The following INPP5D variants were observed in gnomAD, a reference collection of about 807,000 sequenced individuals.
INPP5D encodes the protein phosphatidylinositol 3,4,5-trisphosphate 5-phosphatase 1.
INPP5D carries 33 observed loss-of-function variants against 122.9 expected under a neutral mutation model. The ratio of observed to expected loss-of-function variants is 0.27; its 90% CI spans 0.20 to 0.36. The LOEUF is 0.36. Among genes scored for constraint, INPP5D ranks in the 10% least tolerant of loss-of-function variants. The pLI is 1.00. For synonymous variants in INPP5D, 584 were observed against 576.2 expected, an observed-to-expected ratio of 1.01 and a Z score of -0.19; for missense variants, 1,053 against 1,412.7, an observed-to-expected ratio of 0.75 and a Z score of 4.08.
chr2:233,192,627 C>T (rs1695083562), intron 22 of INPP5D, among the ~76,000 whole-genome samples: 1 of 152,096 alleles, frequency 6.6e-6, no homozygotes, highest in Admixed American at 6.5e-5. Context: ...AAAAGTATTC[C>T]TCACTTTAAA....
At chr2:233,125,651 G>T (rs1265130908) in intron 3 of INPP5D, 94 bp from the exon 4 acceptor site, 3 of 1,083,448 alleles carry the variant, frequency 2.8e-6, no homozygotes, top group Non-Finnish European at 2.7e-6. Flanking sequence ...GATCAATAAC[G>T]TGGGTGTCGT....
At chr2:233,122,522 G>C (rs1039995813) in intron 3 of INPP5D, among the ~76,000 whole-genome samples, 1 of 152,214 alleles carries the variant, frequency 6.6e-6, no homozygotes, top group Non-Finnish European at 1.5e-5. Flanking sequence ...GTAAAATAAG[G>C]CTGGGCTTGC....
chr2:233,195,511 G>C lies in INPP5D; in HGVS notation c.2693+16G>C, dbSNP rs1054797759. 1 of 1,613,068 alleles carries C rather than the reference G, an allele frequency of 6.2e-7. No individual in the cohort carries two copies. Among genetic ancestry groups the C allele is most frequent in the Non-Finnish European group, 8.5e-7 (1 of 1,179,706 alleles). Reference sequence around the variant, plus strand: ...TCACTAGCAGGTAAAGTGGGCGTGGGGTGGGTGTTGGGGGGGGTGGATATC... The same window carrying C: ...TCACTAGCAGGTAAAGTGGGCGTGGCGTGGGTGTTGGGGGGGGTGGATATC... On this transcript the variant is annotated intron_variant, in intron 24 of 26. Transcript: ENST00000445964.
chr2:233,098,888 A>G (rs1692223746), intron 2 of INPP5D, among the ~76,000 whole-genome samples: 1 of 152,160 alleles, frequency 6.6e-6, no homozygotes, highest in Non-Finnish European at 1.5e-5. Context: ...CTAAAATGCC[A>G]TCGTCTTTTT....
chr2:233,198,133 T>G lies in INPP5D; in HGVS notation c.2732T>G (p.Ile911Ser), dbSNP rs368498176. Reference protein sequence around the residue: ...PCSGSSITEIINPNYMGVGPF... With the variant: ...PCSGSSITEISNPNYMGVGPF... Reference sequence around the variant, plus strand: ...AGTGGCTCCAGCATCACTGAAATCATCAACCCCAACTACATGGGAGTGGGG... The same window carrying G: ...AGTGGCTCCAGCATCACTGAAATCAGCAACCCCAACTACATGGGAGTGGGG... The change falls in exon 25 of 27, where the codon ATC (isoleucine) becomes AGC (serine). Residue 911 changes from isoleucine (I) to serine (S), a missense_variant. This residue lies in a region of INPP5D where 417 missense variants were observed against 425.8 expected (regional missense o/e 0.98). Transcript: ENST00000445964. 8.7e-6 allele frequency: 14 copies of G among 1,612,294 alleles called. No individual in the cohort carries two copies. The highest frequency in any genetic ancestry group is 5.3e-5 in the African/African-American group (4 of 74,834).
At chr2:233,079,669 C>G (rs1691618527) in intron 2 of INPP5D, among the ~76,000 whole-genome samples, 1 of 152,046 alleles carries the variant, frequency 6.6e-6, no homozygotes, top group Non-Finnish European at 1.5e-5. Context: ...AGCAGACTGT[C>G]CAGAGATGAA....
intron 2 of INPP5D, among the ~76,000 whole-genome samples, chr2:233,117,807 C>G (rs1271111822): frequency 4.6e-5 from 7 of 152,212 alleles, no homozygotes; most frequent in Non-Finnish European, 2.9e-5. Flanking sequence ...CCTTTAGCAA[C>G]GTGCTGGGGG....
At chr2:233,137,460 T>G in intron 5 of INPP5D, among the ~76,000 whole-genome samples, 1 of 130,530 alleles carries the variant, frequency 7.7e-6, no homozygotes, top group South Asian at 2.3e-4. Context: ...AAACTTTTTT[T>G]TTTTTTTTTA....
At chr2:233,133,971 T>G (rs1291926021) in intron 5 of INPP5D, 7 of 456,142 alleles carry the variant, frequency 1.5e-5, no homozygotes, top group African/African-American at 1.4e-4. Context: ...ACCCAATGGC[T>G]GGGGGCGTGC....
chr2:233,136,203 C>A (rs1320818355), intron 5 of INPP5D, among the ~76,000 whole-genome samples: 2 of 152,168 alleles, frequency 1.3e-5, no homozygotes, highest in Non-Finnish European at 2.9e-5. Flanking sequence ...GAAGGCCGGG[C>A]CTAGTGGCTT....
chr2:233,125,922 G>A lies in INPP5D; in HGVS notation c.524+3G>A, dbSNP rs376452748. The A allele has an allele frequency of 1.4e-4, 232 of 1,612,512 alleles. No individual in the cohort carries two copies. Among genetic ancestry groups the A allele is most frequent in the Non-Finnish European group, 1.9e-4 (222 of 1,179,208 alleles). On this transcript the variant is annotated splice_donor_region_variant and intron_variant, in intron 4 of 26. Coordinates refer to ENST00000445964, the MANE Select transcript of INPP5D (RefSeq NM_001017915.3). ...CTGCAAAGCATGGACACCAGTGGGTGAGTCCCCACTCAAGTCCAGCTGGGC... is the reference window on the plus strand; with the variant it reads ...CTGCAAAGCATGGACACCAGTGGGTAAGTCCCCACTCAAGTCCAGCTGGGC...
At chr2:233,202,165 C>T (rs1695357158) in intron 25 of INPP5D, among the ~76,000 whole-genome samples, 1 of 152,106 alleles carries the variant, frequency 6.6e-6, no homozygotes, top group African/African-American at 2.4e-5. Context: ...CAGCCCCCTC[C>T]TCCCATCTCA....
chr2:233,149,166 C>T (rs994274170), intron 9 of INPP5D, among the ~76,000 whole-genome samples: 4 of 145,800 alleles, frequency 2.7e-5, no homozygotes, highest in African/African-American at 7.7e-5. Flanking sequence ...TGCAGTGCCA[C>T]GATCTTGGCT....
intron 2 of INPP5D, among the ~76,000 whole-genome samples, chr2:233,109,861 C>T (rs1461993792): frequency 3.3e-5 from 5 of 151,504 alleles, no homozygotes; most frequent in Non-Finnish European, 5.9e-5. Flanking sequence ...GCTGGGATTA[C>T]AGGCAGAAGC....
Position 233,189,962 on chromosome 2 carries a change from C to T in INPP5D, c.2446+25C>T, listed in dbSNP as rs367933617. 129 of 1,610,366 alleles carry T rather than the reference C, an allele frequency of 8.0e-5. No homozygotes were observed. The highest frequency in any genetic ancestry group is 1.0e-4 in the Non-Finnish European group (122 of 1,178,346). Reference sequence around the variant, plus strand: ...GGTAAGGGTCTGTGGGCAGGTGCCACACCTGCCTGTGAACTGGCGGCCTCT... The same window carrying T: ...GGTAAGGGTCTGTGGGCAGGTGCCATACCTGCCTGTGAACTGGCGGCCTCT... On this transcript the variant is annotated intron_variant, in intron 22 of 26. Transcript: ENST00000445964. The surrounding 1 kb of genome is among the most constrained non-coding windows in gnomAD (Gnocchi z 5.6).
intron 2 of INPP5D, among the ~76,000 whole-genome samples, chr2:233,094,729 G>A (rs4284824): frequency 0.7 from 106,850 of 151,694 alleles, 37,863 homozygotes; most frequent in Middle Eastern, 0.8. Flanking sequence ...CAGAATCAGC[G>A]TTTGAACAAG....
At chr2:233,063,107 CAG>C (rs1227028228) in intron 1 of INPP5D, among the ~76,000 whole-genome samples, 7 of 152,218 alleles carry the variant, frequency 4.6e-5, no homozygotes, top group Non-Finnish European at 1.0e-4. Context: ...ACGGCAGAGG[CAG>C]ACAGTCCCAG....
At chr2:233,107,830 C>T (rs1692507773) in intron 2 of INPP5D, among the ~76,000 whole-genome samples, 1 of 152,098 alleles carries the variant, frequency 6.6e-6, no homozygotes, top group Non-Finnish European at 1.5e-5. Flanking sequence ...AGGGTGGGTG[C>T]TTGGGCTCAG....
chr2:233,142,866 T>C (rs1693659594), intron 6 of INPP5D, among the ~76,000 whole-genome samples: 1 of 152,122 alleles, frequency 6.6e-6, no homozygotes, highest in Non-Finnish European at 1.5e-5. Context: ...TGGGACTGGA[T>C]TGTTCTCTGT....
Sources: allele counts gnomAD v4.1 joint callset (sites outside exome capture counted in the v4.1 genomes callset), GRCh38; gene constraint gnomAD v4.1.1; regional missense constraint gnomAD v4.1.1; non-coding constraint Gnocchi (gnomAD v3.1); transcripts MANE v1.5; gene names NCBI Gene and HGNC (gene_info 2026-07-23, HGNC 2026-07-21).